RILPL2: variants seen among roughly 807,000 people sequenced by gnomAD.
RILPL2 encodes RILP-like protein 2.
In RILPL2, 19 loss-of-function variants were observed where a neutral mutation model predicts 22.2. That is an observed-to-expected ratio of 0.86 (90% CI 0.60 to 1.25). The LOEUF (loss-of-function observed/expected upper bound fraction) is 1.25, where lower values mean the gene tolerates loss of function less well. RILPL2 is among the 50% of genes most tolerant of loss of function. The pLI, the probability that RILPL2 is intolerant of heterozygous loss-of-function variation, is 0.00. For missense variants in RILPL2, 243 were observed against 263.6 expected, an observed-to-expected ratio of 0.92 and a Z score of 0.54; for synonymous variants, 123 against 111.6, an observed-to-expected ratio of 1.10 and a Z score of -0.64.
At chr12:123,424,889 T>G (rs564110297) in intron 2 of RILPL2, among the ~76,000 whole-genome samples, 19 of 151,752 alleles carry the variant, frequency 1.3e-4, no homozygotes, top group African/African-American at 4.4e-4. Flanking sequence ...TTTTCATTTA[T>G]TTATTTTTTT....
intron 2 of RILPL2, among the ~76,000 whole-genome samples, chr12:123,430,160 G>A (rs1434178873): frequency 3.3e-4 from 42 of 129,140 alleles, no homozygotes; most frequent in African/African-American, 8.1e-4. Context: ...CTGTAATCCC[G>A]GCACTTTGGG....
At chr12:123,425,799 G>A (rs911706913) in intron 2 of RILPL2, among the ~76,000 whole-genome samples, 1 of 151,632 alleles carries the variant, frequency 6.6e-6, no homozygotes, top group Non-Finnish European at 1.5e-5. Flanking sequence ...ACAGGTGCAC[G>A]CCACCATGCC....
At chr12:123,411,501 T>A (rs934808804), downstream of RILPL2, 1 of 149,080 alleles carries the variant, frequency 6.7e-6, no homozygotes, top group Non-Finnish European at 1.5e-5. Flanking sequence ...AAATAAAAGA[T>A]GATTGCTACA....
chr12:123,430,771 A>G (rs1879622802), intron 1 of RILPL2, 112 bp from the exon 2 acceptor site: 8 of 854,408 alleles, frequency 9.4e-6, no homozygotes, highest in Non-Finnish European at 1.2e-5. Context: ...GCCATGGCAC[A>G]ATCTTGGCTC....
chr12:123,416,902 A>AAGAC (rs1445253317), intron 3 of RILPL2, among the ~76,000 whole-genome samples: 1 of 152,188 alleles, frequency 6.6e-6, no homozygotes, highest in African/African-American at 2.4e-5. Flanking sequence ...GATTTGCAAC[A>AAGAC]AGACAGCCAA....
intron 2 of RILPL2, 149 bp downstream of exon 2, chr12:123,430,359 A>C: frequency 3.4e-6 from 2 of 591,806 alleles, no homozygotes; most frequent in Non-Finnish European, 5.1e-6. Context: ...CAGTGAGCCG[A>C]GATCGCGCCA....
chr12:123,420,391 G>A (rs1422780112), intron 3 of RILPL2, among the ~76,000 whole-genome samples: 2 of 151,432 alleles, frequency 1.3e-5, no homozygotes, highest in African/African-American at 4.8e-5. Flanking sequence ...CGCCCACCTC[G>A]GCCTCCCAAA....
the RILPL2 span, among the ~76,000 whole-genome samples, chr12:123,409,636 ACCT>A: frequency 1.3e-4 from 17 of 134,182 alleles, no homozygotes; most frequent in East Asian, 3.1e-3. Flanking sequence ...TCCAACCTCC[ACCT>A]CCTTGGTTCA....
chr12:123,416,028 A>G, intron 3 of RILPL2, 107 bp from the exon 4 acceptor site: 1 of 1,115,052 alleles, frequency 9.0e-7, no homozygotes, highest in Non-Finnish European at 1.4e-6. Context: ...TGACTCAAAA[A>G]TATGTCCAGG....
intron 3 of RILPL2, among the ~76,000 whole-genome samples, chr12:123,420,696 C>T (rs551144826): frequency 2.6e-5 from 4 of 152,194 alleles, no homozygotes; most frequent in Middle Eastern, 6.8e-3. Context: ...CTCAGCCTCC[C>T]GAAGTGCTGG....
intron 2 of RILPL2, among the ~76,000 whole-genome samples, chr12:123,430,099 CAAAAAAAAAAAAAAA>C (rs59871132): frequency 2.7e-4 from 5 of 18,776 alleles, no homozygotes; most frequent in Non-Finnish European, 4.0e-4. Flanking sequence ...GTGAGACCCT[CAAAAAAAAAAAAAAA>C]AAAAAAAAAA....
At position 123,436,543 on chromosome 12, in the gene RILPL2, C is replaced by CG; in HGVS notation, c.-124dup. On this transcript the variant is annotated 5_prime_UTR_variant, in exon 1 of 4. Transcript: ENST00000280571. This position sits in a 1 kb window ranked among gnomAD's most constrained non-coding sequence, Gnocchi z 6.7. ...CCCTACCTGCCCAATCAGCGCGGCCCGGGGGTGGGCCCGGGGGGATGGTGC... is the reference window on the plus strand; with the variant it reads ...CCCTACCTGCCCAATCAGCGCGGCCCGGGGGGTGGGCCCGGGGGGATGGTGC... The CG allele has an allele frequency of 1.4e-6, 2 of 1,429,364 alleles. No individual in the cohort carries two copies. The highest frequency in any genetic ancestry group is 1.8e-6 in the Non-Finnish European group (2 of 1,086,914). The allele number at this position is 1,429,364 out of a possible 1,614,324, so 88.5% of individuals were successfully genotyped here. A position where few individuals can be genotyped will look rare whatever the true frequency, so the allele number is the denominator to read the frequency against.
intron 2 of RILPL2, among the ~76,000 whole-genome samples, chr12:123,426,863 A>G (rs188347300): frequency 3.4e-4 from 52 of 151,714 alleles, no homozygotes; most frequent in African/African-American, 1.2e-3. Context: ...CGGCCTCCCA[A>G]AGTGCTGGGA....
chr12:123,435,533 G>A (rs925083719), intron 1 of RILPL2, among the ~76,000 whole-genome samples: 1 of 152,172 alleles, frequency 6.6e-6, no homozygotes, highest in African/African-American at 2.4e-5. Flanking sequence ...GAGCTTAGGA[G>A]TTTGAGACCA....
At chr12:123,433,199 C>A (rs1470334722) in intron 1 of RILPL2, among the ~76,000 whole-genome samples, 3 of 151,856 alleles carry the variant, frequency 2.0e-5, no homozygotes, top group Middle Eastern at 3.2e-3. Context: ...CTCTGCCTCC[C>A]GGGTTCAAGC....
intron 3 of RILPL2, among the ~76,000 whole-genome samples, chr12:123,416,693 C>G (rs150510105): frequency 3.1e-4 from 47 of 152,330 alleles, no homozygotes; most frequent in South Asian, 1.4e-3. Context: ...CTCATTGATT[C>G]TAGTAGCTCA....
chr12:123,411,565 T>G (rs1878977942), downstream of RILPL2: 2 of 142,118 alleles, frequency 1.4e-5, no homozygotes, highest in South Asian at 4.6e-4. Flanking sequence ...TTTTTTTTTT[T>G]TTTTTTTTTT....
chr12:123,423,203 G>GTT (rs71085902), intron 2 of RILPL2, 46 bp from the exon 3 acceptor site: 22,115 of 815,730 alleles, frequency 0.027, no homozygotes, highest in South Asian at 0.041. Context: ...ATTACAGATC[G>GTT]TTTTTTTTTT....
rs976708503 is a variant in RILPL2 at position 123,415,165 on chromosome 12, A to G, written c.*726T>C. 2 of 152,230 alleles carry G rather than the reference A, an allele frequency of 1.3e-5. No homozygotes were observed. Among genetic ancestry groups the G allele is most frequent in the Non-Finnish European group, 2.9e-5 (2 of 68,060 alleles). The allele number at this position is 152,230 out of a possible 1,614,324, so 9.4% of individuals were successfully genotyped here. A position where few individuals can be genotyped will look rare whatever the true frequency, so the allele number is the denominator to read the frequency against. ...ATTGATTCCTAAATGCATTTTGTTCACATCTTAACACCTCTGAAATCAGGA... is the reference window on the plus strand; with the variant it reads ...ATTGATTCCTAAATGCATTTTGTTCGCATCTTAACACCTCTGAAATCAGGA... On this transcript the variant is annotated 3_prime_UTR_variant, in exon 4 of 4. Transcript: ENST00000280571.
Sources: gnomAD v4.1 joint callset for allele counts (sites outside exome capture counted in the v4.1 genomes callset) on GRCh38, gnomAD v4.1.1 for gene constraint, Gnocchi (gnomAD v3.1) non-coding constraint, MANE v1.5 for transcripts, NCBI Gene and HGNC (gene_info 2026-07-23, HGNC 2026-07-21) for gene names.